The following TSHR variants were observed in gnomAD, a reference collection of about 807,000 sequenced individuals.
The protein encoded by TSHR is thyroid stimulating hormone receptor.
Under a neutral mutation model 64.1 loss-of-function variants are expected in TSHR, and 51 were observed. The ratio of observed to expected loss-of-function variants is 0.80; its 90% confidence interval spans 0.64 to 1.01. The LOEUF (loss-of-function observed/expected upper bound fraction) is 1.01, where lower values mean the gene tolerates loss of function less well. Ranked by LOEUF, TSHR falls within the 50% of genes least tolerant of loss-of-function variation. The pLI, the probability that TSHR is intolerant of heterozygous loss-of-function variation, is 0.00. For synonymous variants in TSHR, 361 were observed against 361.9 expected, an observed-to-expected ratio of 1.00 and a Z score of 0.03; for missense variants, 877 against 942.8, an observed-to-expected ratio of 0.93 and a Z score of 0.91.
chr14:80,961,612 C>G (rs550699312), intron 1 of TSHR, among the ~76,000 whole-genome samples: 1 of 152,264 alleles, frequency 6.6e-6, no homozygotes, highest in African/African-American at 2.4e-5. Flanking sequence ...TAACTCAGTA[C>G]AGGTTGAGGT....
At chr14:80,978,727 T>G (rs1212434662) in intron 1 of TSHR, among the ~76,000 whole-genome samples, 1 of 152,146 alleles carries the variant, frequency 6.6e-6, no homozygotes, top group African/African-American at 2.4e-5. Flanking sequence ...AGCTGTTTCC[T>G]GGAGGGAGAT....
intron 8 of TSHR, among the ~76,000 whole-genome samples, chr14:81,127,769 C>T (rs772504632): frequency 2.0e-5 from 3 of 152,204 alleles, no homozygotes; most frequent in Admixed American, 6.5e-5. Flanking sequence ...TGCCTTTTGC[C>T]GTCCACCATG....
At chr14:81,105,348 C>A in intron 7 of TSHR, 1 of 588,406 alleles carries the variant, frequency 1.7e-6, no homozygotes, top group Non-Finnish European at 2.1e-6. Flanking sequence ...AGATGGAAGG[C>A]AAGAGCAGCA....
chr14:81,110,118 A>T (rs1890162611), intron 8 of TSHR, among the ~76,000 whole-genome samples: 1 of 152,246 alleles, frequency 6.6e-6, no homozygotes, highest in African/African-American at 2.4e-5. Context: ...ATGCCATAAA[A>T]ATTCTGTTTG....
At chr14:81,088,178 T>C in intron 4 of TSHR, 150 bp downstream of exon 4, 1 of 675,754 alleles carries the variant, frequency 1.5e-6, no homozygotes, top group Non-Finnish European at 2.6e-6. Flanking sequence ...TCGGGTGAAA[T>C]GATCCACATT....
chr14:81,033,345 TC>T, intron 1 of TSHR: 1 of 299,022 alleles, frequency 3.3e-6, no homozygotes, highest in Non-Finnish European at 6.6e-6. Flanking sequence ...TGAAGACAGC[TC>T]CGAAAGTGAA....
At chr14:81,140,139 T>C (rs1273619313) in intron 9 of TSHR, among the ~76,000 whole-genome samples, 2 of 152,162 alleles carry the variant, frequency 1.3e-5, no homozygotes, top group Non-Finnish European at 2.9e-5. Flanking sequence ...TCTCATAGAA[T>C]CTTGTAGAGG....
chr14:81,002,797 T>C (rs1457387237), intron 1 of TSHR, among the ~76,000 whole-genome samples: 2 of 36,352 alleles, frequency 5.5e-5, no homozygotes, highest in Non-Finnish European at 1.5e-4. Flanking sequence ...TTTTTTTTTT[T>C]TTTTTTTTTT....
chr14:81,086,912 G>A (rs1045445330), intron 3 of TSHR, among the ~76,000 whole-genome samples: 1 of 152,214 alleles, frequency 6.6e-6, no homozygotes, highest in Non-Finnish European at 1.5e-5. Context: ...TGGTTTCTAG[G>A]CATAAAGGAG....
At position 81,145,077 on chromosome 14, in the gene TSHR, C is replaced by T. The variant is rs965730837; in HGVS notation, c.*724C>T. The T allele has an allele frequency of 8.6e-6, 2 of 233,076 alleles. No homozygotes were observed. The highest frequency in any genetic ancestry group is 1.7e-5 in the Non-Finnish European group (2 of 118,054). The allele number at this position is 233,076 out of a possible 1,614,324, so 14.4% of individuals were successfully genotyped here. A position where few individuals can be genotyped will look rare whatever the true frequency, so the allele number is the denominator to read the frequency against. ...ACTAAGAATTGCTCTTCTTGGCCAG[C>T]CTCATAGCATAAAAGATGTGAACTC... On this transcript the variant is annotated 3_prime_UTR_variant, in exon 10 of 10. Coordinates refer to ENST00000298171, the MANE Select transcript of TSHR (RefSeq NM_000369.5).
At chr14:81,101,043 G>T (rs1035036438) in intron 7 of TSHR, among the ~76,000 whole-genome samples, 3 of 152,144 alleles carry the variant, frequency 2.0e-5, no homozygotes, top group Non-Finnish European at 4.4e-5. Flanking sequence ...CCCTCATCCT[G>T]AAGCTATCTA....
chr14:80,956,229 A>G (rs1364923529), intron 1 of TSHR, among the ~76,000 whole-genome samples: 1 of 152,256 alleles, frequency 6.6e-6, no homozygotes, highest in Non-Finnish European at 1.5e-5. Context: ...TACCTTGGGT[A>G]ATAAAAAATT....
rs147149121 is a variant in TSHR, at chr14:81,096,923, G to GGTGTGTGTGTGTGTGTGTGTGTGT, written c.614+223_614+246dup. Among the ~76,000 whole-genome samples the GGTGTGTGTGTGTGTGTGTGTGTGT allele has an allele frequency of 1.6e-3, 238 of 148,504 alleles. 1 individual carries two copies. The highest frequency in any genetic ancestry group is 5.8e-3 in the African/African-American group (233 of 40,228). ...GGTAAGTTCCAAAGCTTTTCTCCCT[G>GGTGTGTGTGTGTGTGTGTGTGTGT]GTGTGTGTGTGTGTGTGTGTGTGTG... On this transcript the variant is annotated intron_variant, in intron 7 of 9. Transcript: ENST00000298171.
chr14:81,088,279 G>C (rs1008035887), intron 4 of TSHR, among the ~76,000 whole-genome samples: 7 of 152,094 alleles, frequency 4.6e-5, no homozygotes, highest in Admixed American at 1.3e-4. Context: ...ATGTATATGT[G>C]GTCCTTAAAT....
chr14:81,143,550 G>T lies in TSHR; in HGVS notation c.1492G>T (p.Gly498Cys). 6.2e-7 allele frequency: 1 copy of T among 1,613,258 alleles called. No individual in the cohort carries two copies. Among genetic ancestry groups the T allele is most frequent in the Non-Finnish European group, 8.5e-7 (1 of 1,180,034 alleles). ...WQTGPGCNTAGFFTVFASELS... is the reference protein window; with the variant it reads ...WQTGPGCNTACFFTVFASELS... ...GACAGGCCCTGGGTGCAACACGGCT[G>T]GTTTCTTCACTGTCTTTGCAAGCGA... The change falls in exon 10 of 10, where the codon GGT (glycine) becomes TGT (cysteine). Residue 498 changes from glycine to cysteine, a missense_variant. By Grantham distance (159) the Gly-to-Cys change is radical (BLOSUM62 -3). Transcript: ENST00000298171.
chr14:81,139,591 C>T, intron 8 of TSHR, 88 bp from the exon 9 acceptor site: 1 of 1,372,766 alleles, frequency 7.3e-7, no homozygotes, highest in Non-Finnish European at 1.0e-6. Context: ...TCCCAATTAA[C>T]CTCAGGCCTG....
At chr14:81,127,421 T>C (rs1239752985) in intron 8 of TSHR, among the ~76,000 whole-genome samples, 1 of 152,158 alleles carries the variant, frequency 6.6e-6, no homozygotes, top group African/African-American at 2.4e-5. Context: ...AGTATGATGA[T>C]GATCATTTTG....
chr14:81,108,987 T>C lies in TSHR; in HGVS notation c.692+535T>C. The C allele has an allele frequency of 3.1e-6, 4 of 1,279,000 alleles. No individual in the cohort carries two copies. The South Asian group carries it at 6.5e-5, about 21-fold the overall frequency. The allele number at this position is 1,279,000 out of a possible 1,614,324, so 79.2% of individuals were successfully genotyped here. ...ATTTCCTTTGATTTACACCCCCACA[T>C]CCAATCAGTGATCAGGTTCTATTGA... On this transcript the variant is annotated intron_variant, in intron 8 of 9. Transcript: ENST00000298171.
At chr14:81,139,575 A>G in intron 8 of TSHR, 104 bp from the exon 9 acceptor site, 1 of 1,165,154 alleles carries the variant, frequency 8.6e-7, no homozygotes, top group Non-Finnish European at 1.3e-6. Context: ...AAAGGAGCAT[A>G]TCATCTCCCA....
Sources: allele counts gnomAD v4.1 joint callset (sites outside exome capture counted in the v4.1 genomes callset), GRCh38; gene constraint gnomAD v4.1.1; transcripts MANE v1.5; gene names NCBI Gene and HGNC (gene_info 2026-07-23, HGNC 2026-07-21).